The following ROBO2 variants were observed in gnomAD, a reference collection of about 807,000 sequenced individuals.
ROBO2 encodes the protein roundabout guidance receptor 2, also known as roundabout homolog 2.
In ROBO2, 53 loss-of-function variants were observed where a neutral mutation model predicts 160.8. The ratio of observed to expected loss-of-function variants is 0.33; its 90% CI spans 0.26 to 0.41. The LOEUF (loss-of-function observed/expected upper bound fraction) is 0.41. Among genes scored for constraint, ROBO2 ranks in the 10% least tolerant of loss-of-function variants. ROBO2 has a pLI of 1.00. For synonymous variants in ROBO2, 664 were observed against 611.7 expected (o/e 1.09, Z -1.26); for missense variants, 1,577 against 1,722.4 (o/e 0.92, Z 1.49).
In ROBO2 at chr3:77,180,416, C is replaced by CTCTATATATATATATATATATA. The variant is rs1433740534; in HGVS notation, c.388+82077_388+82078insCTATATATATATATATATATAT. On this transcript the variant is annotated intron_variant, in intron 2 of 25. Coordinates refer to ENST00000461745, the Ensembl canonical transcript of ROBO2. ...TCTCTCTCTCTCTCTCTCTCTCTCT[C>CTCTATATATATATATATATATA]TATATATATATATATGTATTTTTTT... Among the ~76,000 whole-genome samples, 127 of 90,694 alleles carry CTCTATATATATATATATATATA rather than the reference C, an allele frequency of 1.4e-3. 2 individuals are homozygous for CTCTATATATATATATATATATA. Among genetic ancestry groups the CTCTATATATATATATATATATA allele is most frequent in the Admixed American group, 1.7e-3 (13 of 7,528 alleles). 59.5% of individuals were successfully genotyped at this position (90,694 alleles called of 152,430 possible).
chr3:77,628,149 A>AGCC (rs778609795), intron 23 of ROBO2, among the ~76,000 whole-genome samples: 19,560 of 152,174 alleles, frequency 0.13, 1,337 homozygotes, highest in Admixed American at 0.17. Flanking sequence ...GGAAAGATTG[A>AGCC]AAATGTAAAC....
intron 2 of ROBO2, among the ~76,000 whole-genome samples, chr3:76,644,540 A>T (rs960559275): frequency 3.3e-5 from 5 of 152,010 alleles, no homozygotes; most frequent in Non-Finnish European, 5.9e-5. Context: ...AGCTACATAA[A>T]TGTATTTCTG....
intron 2 of ROBO2, among the ~76,000 whole-genome samples, chr3:76,709,734 T>C (rs749903367): frequency 1.3e-5 from 2 of 152,202 alleles, no homozygotes; most frequent in African/African-American, 2.4e-5. Flanking sequence ...CCAGGGTAAT[T>C]AGTTTTCAGA....
chr3:76,129,667 A>AC (rs1352594831), intron 2 of ROBO2, among the ~76,000 whole-genome samples: 4 of 152,110 alleles, frequency 2.6e-5, no homozygotes, highest in Non-Finnish European at 5.9e-5. Context: ...ATGTGCAAAA[A>AC]ACATACTTCT....
At chr3:76,356,638 A>T (rs1303427426) in intron 2 of ROBO2, among the ~76,000 whole-genome samples, 1 of 151,740 alleles carries the variant, frequency 6.6e-6, no homozygotes, top group Non-Finnish European at 1.5e-5. Context: ...CTTCAACTTC[A>T]CAAAGCCAAA....
At chr3:77,330,536 AAAAT>A (rs1409231026) in intron 2 of ROBO2, among the ~76,000 whole-genome samples, 1 of 152,238 alleles carries the variant, frequency 6.6e-6, no homozygotes, top group Non-Finnish European at 1.5e-5. Flanking sequence ...CTCCAAAAAG[AAAAT>A]AAAGATTATA....
intron 2 of ROBO2, among the ~76,000 whole-genome samples, chr3:76,745,172 G>A (rs889086997): frequency 2.0e-5 from 3 of 152,006 alleles, no homozygotes; most frequent in Non-Finnish European, 4.4e-5. Context: ...GCATTTTGAG[G>A]GGAAATAGAT....
chr3:76,665,369 C>T (rs1166470404), intron 2 of ROBO2, among the ~76,000 whole-genome samples: 2 of 151,790 alleles, frequency 1.3e-5, no homozygotes, highest in Admixed American at 1.3e-4. Flanking sequence ...AAATAACTTG[C>T]CCAAGTTTAT....
intron 5 of ROBO2, among the ~76,000 whole-genome samples, chr3:77,521,457 G>A (rs143287712): frequency 6.6e-6 from 1 of 151,114 alleles, no homozygotes. Context: ...TTTCAAAAAG[G>A]CAGTAATTCG....
chr3:76,398,272 C>T, intron 2 of ROBO2, among the ~76,000 whole-genome samples: 1 of 134,236 alleles, frequency 7.4e-6, no homozygotes, highest in South Asian at 2.3e-4. Flanking sequence ...GGGAATTGAA[C>T]AATGAGAACA....
In ROBO2 at chr3:76,394,602, G is replaced by C. The variant is rs534725367; in HGVS notation, c.109+457000G>C. 1.5e-3 allele frequency among the ~76,000 whole-genome samples: 230 copies of C among 152,032 alleles called. 1 individual carries two copies. Among genetic ancestry groups the C allele is most frequent in the Non-Finnish European group, 2.6e-3 (174 of 67,986 alleles). On this transcript the variant is annotated intron_variant, in intron 2 of 26. Transcript: ENST00000487694. ...ATGAATCTGACAATTATGTGTCTTG[G>C]AGTTGCTCTTCTCGAGGAGTATCTT...
At chr3:76,719,339 A>G (rs576168770) in intron 2 of ROBO2, among the ~76,000 whole-genome samples, 4 of 152,218 alleles carry the variant, frequency 2.6e-5, no homozygotes, top group Admixed American at 6.5e-5. Flanking sequence ...ACAAATGACA[A>G]TTTTAAAGTG....
chr3:77,640,243 C>T (rs2095330438), intron 24 of ROBO2, among the ~76,000 whole-genome samples: 1 of 151,350 alleles, frequency 6.6e-6, no homozygotes, highest in South Asian at 2.1e-4. Flanking sequence ...TCCCGAGTAG[C>T]TGGGACTAAA....
chr3:76,375,288 C>G (rs189808379), intron 2 of ROBO2, among the ~76,000 whole-genome samples: 4 of 151,940 alleles, frequency 2.6e-5, no homozygotes, highest in Non-Finnish European at 5.9e-5. Context: ...AGTCAATGTT[C>G]AAGGATAGGA....
intron 4 of ROBO2, among the ~76,000 whole-genome samples, chr3:77,484,315 T>A (rs915602938): frequency 6.6e-5 from 10 of 152,018 alleles, no homozygotes; most frequent in Admixed American, 6.6e-4. Context: ...TAATACAATT[T>A]CTAATTATGA....
chr3:76,702,036 C>T (rs947340070), intron 2 of ROBO2, among the ~76,000 whole-genome samples: 2 of 151,980 alleles, frequency 1.3e-5, no homozygotes, highest in African/African-American at 2.4e-5. Flanking sequence ...ATACATGTTG[C>T]TCCCTAAAAT....
chr3:76,387,554 T>C (rs2076951674), intron 2 of ROBO2, among the ~76,000 whole-genome samples: 1 of 152,230 alleles, frequency 6.6e-6, no homozygotes, highest in African/African-American at 2.4e-5. Context: ...AAATATTTGC[T>C]GAATGAATGT....
chr3:77,428,570 A>G (rs1326550188), intron 2 of ROBO2, among the ~76,000 whole-genome samples: 1 of 150,830 alleles, frequency 6.6e-6, no homozygotes, highest in African/African-American at 2.4e-5. Flanking sequence ...GTTAGCCAGG[A>G]TGGTCTCGAT....
chr3:77,132,371 C>G lies in ROBO2; in HGVS notation c.388+34031C>G, dbSNP rs1038224433. 9.1e-5 allele frequency among the ~76,000 whole-genome samples: 13 copies of G among 142,500 alleles called. No homozygotes were observed. In the East Asian group the frequency reaches 2.0e-3, roughly 21 times the overall value. 93.5% of individuals were successfully genotyped at this position (142,500 alleles called of 152,430 possible). On this transcript the variant is annotated intron_variant, in intron 2 of 25. Coordinates refer to ENST00000461745, the Ensembl canonical transcript of ROBO2. ...CAGTGGTAAATGTTTTTCCAACTCTCTCTGATTAATATGGGTTTTTTTTGG... is the reference window on the plus strand; with the variant it reads ...CAGTGGTAAATGTTTTTCCAACTCTGTCTGATTAATATGGGTTTTTTTTGG...
Sources: gnomAD v4.1 joint callset for allele counts (sites outside exome capture counted in the v4.1 genomes callset) on GRCh38, gnomAD v4.1.1 for gene constraint, MANE v1.5 for transcripts, NCBI Gene and HGNC (gene_info 2026-07-23, HGNC 2026-07-21) for gene names.